SPAG9: variants seen among roughly 807,000 people sequenced by gnomAD.
SPAG9 encodes C-Jun-amino-terminal kinase-interacting protein 4.
A neutral mutation model predicts 166.5 loss-of-function variants in SPAG9; 35 were observed. The observed-to-expected ratio is 0.21, with a 90% CI of 0.16 to 0.28. SPAG9 has a LOEUF of 0.28. Among genes scored for constraint, SPAG9 ranks in the 10% least tolerant of loss-of-function variants. SPAG9 has a pLI of 1.00. For missense variants in SPAG9, 1,235 were observed against 1,603.3 expected, an observed-to-expected ratio of 0.77 and a Z score of 3.92; for synonymous variants, 534 against 565.5, an observed-to-expected ratio of 0.94 and a Z score of 0.79.
At chr17:51,031,593 A>G (rs1300721808) in intron 6 of SPAG9, 88 bp downstream of exon 6, 9 of 913,498 alleles carry the variant, frequency 9.9e-6, no homozygotes, top group African/African-American at 4.9e-5. Flanking sequence ...TGAGCATCTG[A>G]TGTCTTGAGA....
Position 51,007,252 on chromosome 17 carries a change from A to G in SPAG9, c.1271+17T>C. 6.9e-7 allele frequency: 1 copy of G among 1,451,874 alleles called. No homozygotes were observed. The highest frequency in any genetic ancestry group is 9.5e-7 in the Non-Finnish European group (1 of 1,047,984). 89.9% of individuals were successfully genotyped at this position (1,451,874 alleles called of 1,614,324 possible). ...AGAAAATTCTTTATCTTCTGTTAAA[A>G]TTTCACATATACTTACTTGGTTTCC... On this transcript the variant is annotated intron_variant, in intron 10 of 29. Transcript: ENST00000262013.
At chr17:51,031,431 C>A in intron 6 of SPAG9, 3 of 506,092 alleles carry the variant, frequency 5.9e-6, no homozygotes, top group South Asian at 4.5e-5. Context: ...GGCTGAATTT[C>A]ACAGAATTTA....
intron 29 of SPAG9, 100 bp from the exon 30 acceptor site, chr17:50,966,487 C>A: frequency 1.3e-6 from 1 of 764,822 alleles, no homozygotes; most frequent in South Asian, 1.4e-5. Flanking sequence ...AACAAGATGC[C>A]CAAAACTTGT....
chr17:51,085,959 AT>A (rs34918673), intron 1 of SPAG9, among the ~76,000 whole-genome samples: 16,581 of 87,712 alleles, frequency 0.19, 303 homozygotes, highest in Non-Finnish European at 0.23. Flanking sequence ...CTTGGAAATC[AT>A]TTTTTTTTTT....
At chr17:51,041,863 G>A (rs1483678768) in intron 4 of SPAG9, among the ~76,000 whole-genome samples, 1 of 152,176 alleles carries the variant, frequency 6.6e-6, no homozygotes, top group Non-Finnish European at 1.5e-5. Flanking sequence ...AATCAACTAA[G>A]AAAAGTGGTA....
chr17:51,054,102 T>A (rs1280340840), intron 3 of SPAG9, among the ~76,000 whole-genome samples: 3 of 146,136 alleles, frequency 2.1e-5, no homozygotes, highest in Non-Finnish European at 3.0e-5. Flanking sequence ...ACAAATGTCA[T>A]TAAAATGTGA....
chr17:51,023,685 A>C (rs2046035298), intron 6 of SPAG9, among the ~76,000 whole-genome samples: 1 of 152,098 alleles, frequency 6.6e-6, no homozygotes, highest in African/African-American at 2.4e-5. Context: ...TTTTTCTAAG[A>C]CAGAGTCTCG....
chr17:50,994,847 A>G (rs1221214012), intron 18 of SPAG9, among the ~76,000 whole-genome samples: 1 of 152,244 alleles, frequency 6.6e-6, no homozygotes, highest in African/African-American at 2.4e-5. Flanking sequence ...ACATGTGTCA[A>G]AACTCTGACC....
rs759600990 is a variant in SPAG9 at position 51,005,192 on chromosome 17, G to T, written c.1476+20C>A. ...AAAACATGGTAAGGTAAGAAAAAAA[G>T]TCCAAAATTGTAAACCTACATCATC... On this transcript the variant is annotated intron_variant, in intron 12 of 29. Coordinates refer to ENST00000262013, the MANE Select transcript of SPAG9 (RefSeq NM_001130528.3). 6.2e-6 allele frequency: 10 copies of T among 1,611,304 alleles called. No individual in the cohort carries two copies. Among genetic ancestry groups the T allele is most frequent in the Non-Finnish European group, 2.5e-6 (3 of 1,178,012 alleles).
At chr17:51,010,709 T>A (rs2045445728) in intron 9 of SPAG9, among the ~76,000 whole-genome samples, 1 of 151,884 alleles carries the variant, frequency 6.6e-6, no homozygotes, top group African/African-American at 2.4e-5. Context: ...ATTCATTCAC[T>A]AAAACAGTGC....
chr17:51,100,915 C>T (rs1042964205), intron 1 of SPAG9, among the ~76,000 whole-genome samples: 7 of 150,896 alleles, frequency 4.6e-5, no homozygotes, highest in African/African-American at 1.5e-4. Context: ...AGCAAAACTC[C>T]GTCTAAAAAA....
At chr17:51,061,309 A>G (rs1475621806) in intron 2 of SPAG9, among the ~76,000 whole-genome samples, 1 of 152,132 alleles carries the variant, frequency 6.6e-6, no homozygotes, top group Non-Finnish European at 1.5e-5. Context: ...TGTCAAATGT[A>G]CACCACTTAA....
chr17:51,084,720 A>G (rs528311124), intron 1 of SPAG9, among the ~76,000 whole-genome samples: 2 of 152,230 alleles, frequency 1.3e-5, no homozygotes, highest in South Asian at 2.1e-4. Flanking sequence ...AGAAATTCTT[A>G]TATTAGGCAC....
At chr17:51,031,101 G>A (rs1423835060) in intron 6 of SPAG9, 5 of 153,178 alleles carry the variant, frequency 3.3e-5, no homozygotes, top group African/African-American at 1.2e-4. Context: ...TTTTAGTAGA[G>A]ACAAGATTTC....
chr17:51,092,520 G>T (rs2048494538), intron 1 of SPAG9, among the ~76,000 whole-genome samples: 1 of 151,972 alleles, frequency 6.6e-6, no homozygotes, highest in Non-Finnish European at 1.5e-5. Flanking sequence ...TTGTTTATAA[G>T]TTTTAGATGT....
chr17:51,079,291 T>C (rs1256747009), intron 2 of SPAG9, among the ~76,000 whole-genome samples: 1 of 151,460 alleles, frequency 6.6e-6, no homozygotes, highest in Non-Finnish European at 1.5e-5. Flanking sequence ...CAAGCTGGAG[T>C]GCAGTGGCAC....
chr17:51,036,193 T>G (rs2046577747), intron 5 of SPAG9, among the ~76,000 whole-genome samples: 1 of 152,180 alleles, frequency 6.6e-6, no homozygotes, highest in African/African-American at 2.4e-5. Flanking sequence ...CTTTTCCCTC[T>G]GCTCTGCCAA....
intron 2 of SPAG9, among the ~76,000 whole-genome samples, chr17:51,057,246 G>A (rs1229587251): frequency 6.6e-6 from 1 of 152,166 alleles, no homozygotes; most frequent in Non-Finnish European, 1.5e-5. Flanking sequence ...GGGTGGTGGT[G>A]AGGCAGAGGG....
At chr17:51,003,398 G>A (rs555218696) in intron 12 of SPAG9, among the ~76,000 whole-genome samples, 19 of 152,122 alleles carry the variant, frequency 1.2e-4, no homozygotes, top group African/African-American at 3.9e-4. Context: ...TGTAACAATC[G>A]TCACTCAGAA....
Sources: gnomAD v4.1 joint callset for allele counts (sites outside exome capture counted in the v4.1 genomes callset) on GRCh38, gnomAD v4.1.1 for gene constraint, MANE v1.5 for transcripts, NCBI Gene and HGNC (gene_info 2026-07-23, HGNC 2026-07-21) for gene names.